Variants in DNAJB6 observed in about 807,000 individuals in gnomAD.
The protein encoded by DNAJB6 is DnaJ heat shock protein family (Hsp40) member B6.
Under a neutral mutation model 42.7 loss-of-function variants are expected in DNAJB6, and 16 were observed. The observed-to-expected ratio is 0.37, with a 90% CI of 0.25 to 0.57. The LOEUF is 0.57. Ranked by LOEUF, DNAJB6 falls within the 20% of genes least tolerant of loss-of-function variation. The pLI is 0.74. For synonymous variants in DNAJB6, 170 were observed against 163.5 expected (o/e 1.04, Z -0.30); for missense variants, 347 against 416.8 (o/e 0.83, Z 1.46).
chr7:157,362,687 A>G (rs1408926192), intron 2 of DNAJB6, among the ~76,000 whole-genome samples: 2 of 151,986 alleles, frequency 1.3e-5, no homozygotes, highest in African/African-American at 2.4e-5. Flanking sequence ...TACTTCACAT[A>G]CTTGCTCAGT....
At chr7:157,360,379 G>A (rs1218552663) in intron 2 of DNAJB6, among the ~76,000 whole-genome samples, 1 of 152,186 alleles carries the variant, frequency 6.6e-6, no homozygotes, top group African/African-American at 2.4e-5. Context: ...TAACACCTGG[G>A]AGTTCTGGGA....
intron 5 of DNAJB6, among the ~76,000 whole-genome samples, chr7:157,372,431 C>G (rs1800261739): frequency 6.6e-6 from 1 of 152,214 alleles, no homozygotes; most frequent in African/African-American, 2.4e-5. Flanking sequence ...CGAGGAGCCG[C>G]TGAGTGAGGA....
chr7:157,412,191 C>T (rs1297426437), intron 9 of DNAJB6: 2 of 152,150 alleles, frequency 1.3e-5, no homozygotes, highest in Admixed American at 1.3e-4. Flanking sequence ...AGTCAAGAAA[C>T]CGCTGCAGAG....
rs1796123039 is a variant in DNAJB6 at position 157,417,127 on chromosome 7, G to C, written c.*1029G>C. ...TGCCGTTCATGTTGCTTTCTCCTTT[G>C]TCCTCTTGGACTTGAGGGCATTGTG... On this transcript the variant is annotated 3_prime_UTR_variant, in exon 10 of 10. Transcript: ENST00000262177. 1 of 151,998 alleles carries C rather than the reference G, an allele frequency of 6.6e-6. No individual in the cohort carries two copies. The highest frequency in any genetic ancestry group is 1.5e-5 in the Non-Finnish European group (1 of 68,032). 9.4% of individuals were successfully genotyped at this position (151,998 alleles called of 1,614,324 possible).
At chr7:157,358,292 G>A (rs1799410469) in intron 1 of DNAJB6, among the ~76,000 whole-genome samples, 1 of 151,256 alleles carries the variant, frequency 6.6e-6, no homozygotes, top group South Asian at 2.1e-4. Context: ...CTGTTGTTTA[G>A]TTTAGGCTAT....
At chr7:157,390,436 C>G (rs927074943) in intron 8 of DNAJB6, among the ~76,000 whole-genome samples, 6 of 152,186 alleles carry the variant, frequency 3.9e-5, no homozygotes, top group African/African-American at 4.8e-5. Context: ...TCATCCCATT[C>G]CCCCGCCTGG....
intron 3 of DNAJB6, among the ~76,000 whole-genome samples, chr7:157,364,023 A>T (rs1799730531): frequency 6.6e-6 from 1 of 152,204 alleles, no homozygotes; most frequent in Admixed American, 6.5e-5. Context: ...GGGATGGACT[A>T]ACTGAACCCT....
chr7:157,354,146 TG>T (rs1799153312), intron 1 of DNAJB6, among the ~76,000 whole-genome samples: 1 of 152,226 alleles, frequency 6.6e-6, no homozygotes, highest in Non-Finnish European at 1.5e-5. Flanking sequence ...CATTTTTGTT[TG>T]TTTTTTTCGA....
At chr7:157,371,103 C>T (rs985190547) in intron 5 of DNAJB6, among the ~76,000 whole-genome samples, 10 of 152,136 alleles carry the variant, frequency 6.6e-5, no homozygotes, top group South Asian at 2.1e-4. Context: ...ACTGCACACG[C>T]GAGGGACCTA....
chr7:157,403,878 G>A (rs1011130645), intron 8 of DNAJB6, among the ~76,000 whole-genome samples: 1 of 152,140 alleles, frequency 6.6e-6, no homozygotes, highest in South Asian at 2.1e-4. Flanking sequence ...AGACTGCGGT[G>A]CCTTCCTGTC....
chr7:157,391,415 A>G (rs1235490187), intron 8 of DNAJB6, among the ~76,000 whole-genome samples: 2 of 152,354 alleles, frequency 1.3e-5, no homozygotes, highest in Admixed American at 6.5e-5. Context: ...GAGTCTTTTC[A>G]GCCGTATCTT....
At position 157,399,831 on chromosome 7, in the gene DNAJB6, G is replaced by T. The variant is rs527805372; in HGVS notation, c.692-9964G>T. On this transcript the variant is annotated intron_variant, in intron 8 of 9. Transcript: ENST00000262177. Reference sequence around the variant, plus strand: ...TTACAGGTGCGCGCCACCACCCCTGGCTAACTTTTGTATTTTTAGTAGAGA... The same window carrying T: ...TTACAGGTGCGCGCCACCACCCCTGTCTAACTTTTGTATTTTTAGTAGAGA... Among the ~76,000 whole-genome samples the T allele has an allele frequency of 5.3e-5, 8 of 152,158 alleles. No individual in the cohort carries two copies. The South Asian group carries it at 1.7e-3, about 32-fold the overall frequency.
At chr7:157,409,658 A>T in intron 8 of DNAJB6, 137 bp from the exon 9 acceptor site, 1 of 990,620 alleles carries the variant, frequency 1.0e-6, no homozygotes, top group Non-Finnish European at 1.4e-6. Flanking sequence ...AAGAAAGGAG[A>T]TAACCTCTTT....
At chr7:157,398,099 T>C (rs1801684223) in intron 8 of DNAJB6, among the ~76,000 whole-genome samples, 1 of 152,176 alleles carries the variant, frequency 6.6e-6, no homozygotes, top group Admixed American at 6.5e-5. Flanking sequence ...GCAGATGGCG[T>C]CTGCCATTCC....
At chr7:157,395,686 T>TTTCTTTTCTTTTC (rs777037656) in intron 8 of DNAJB6, among the ~76,000 whole-genome samples, 1 of 137,338 alleles carries the variant, frequency 7.3e-6, no homozygotes, top group Non-Finnish European at 1.5e-5. Context: ...TTTCTTTTCT[T>TTTCTTTTCTTTTC]TTTTTTTTTT....
intron 8 of DNAJB6, among the ~76,000 whole-genome samples, chr7:157,387,792 A>T (rs983798995): frequency 2.1e-5 from 3 of 143,682 alleles, no homozygotes; most frequent in Non-Finnish European, 4.4e-5. Flanking sequence ...TTTTTTTTTG[A>T]GGAGGAGGGA....
intron 2 of DNAJB6, among the ~76,000 whole-genome samples, chr7:157,360,648 T>C (rs768196778): frequency 4.6e-5 from 7 of 152,196 alleles, no homozygotes; most frequent in Non-Finnish European, 7.3e-5. Context: ...GAGTGTACAG[T>C]TGTATAAATG....
At chr7:157,360,574 A>G (rs1240402572) in intron 2 of DNAJB6, among the ~76,000 whole-genome samples, 3 of 152,182 alleles carry the variant, frequency 2.0e-5, no homozygotes, top group Admixed American at 1.3e-4. Flanking sequence ...CTCTAGCATG[A>G]CGTTGAAGTA....
Position 157,363,251 on chromosome 7 carries a change from A to G in DNAJB6, c.156A>G (p.Ala52=), listed in dbSNP as rs201239906. 1.9e-6 allele frequency: 3 copies of G among 1,610,398 alleles called. No individual in the cohort carries two copies. Among genetic ancestry groups the G allele is most frequent in the African/African-American group, 2.7e-5 (2 of 75,016 alleles). ...GAAAATTCAAGCAAGTAGCGGAGGCATATGAAGTGCTGTCGGATGGTGAGT... is the reference window on the plus strand; with the variant it reads ...GAAAATTCAAGCAAGTAGCGGAGGCGTATGAAGTGCTGTCGGATGGTGAGT... The part of the protein sequence containing the change: ...AERKFKQVAE[A]YEVLSDAKKR... The change falls in exon 3 of 10, where the codon GCA becomes GCG. Residue 52 remains alanine, a synonymous_variant. Coordinates refer to ENST00000262177, the MANE Select transcript of DNAJB6 (RefSeq NM_058246.4).
Sources: allele counts gnomAD v4.1 joint callset (sites outside exome capture counted in the v4.1 genomes callset), GRCh38; gene constraint gnomAD v4.1.1; transcripts MANE v1.5; gene names NCBI Gene and HGNC (gene_info 2026-07-23, HGNC 2026-07-21).